ARL15: variants seen among roughly 807,000 people sequenced by gnomAD.
ARL15 encodes the protein ARF like GTPase 15.
ARL15 carries 19 observed loss-of-function variants against 25.2 expected under a neutral mutation model. The ratio of observed to expected loss-of-function variants is 0.75; its 90% confidence interval spans 0.53 to 1.10. ARL15 has a LOEUF of 1.10. Among genes scored for constraint, ARL15 ranks in the 50% least tolerant of loss-of-function variants. ARL15 has a pLI of 0.00. For synonymous variants in ARL15, 94 were observed against 86.8 expected (o/e 1.08, Z -0.46); for missense variants, 220 against 246.0 (o/e 0.89, Z 0.71).
In ARL15 at chr5:53,961,184, T is replaced by C. The variant is rs548699685; in HGVS notation, c.463-74471A>G. 5.9e-5 allele frequency among the ~76,000 whole-genome samples: 9 copies of C among 152,230 alleles called. No individual in the cohort carries two copies. The East Asian group carries it at 1.5e-3, about 26-fold the overall frequency. On this transcript the variant is annotated intron_variant, in intron 4 of 4. Coordinates refer to ENST00000504924, the MANE Select transcript of ARL15 (RefSeq NM_019087.3). ...GGAAAAACATTAATAAGTAGAGTCA[T>C]AGACTTTAGAAATAATTATATATAC...
At chr5:54,144,502 C>A (rs1459362900) in intron 3 of ARL15, among the ~76,000 whole-genome samples, 1 of 152,164 alleles carries the variant, frequency 6.6e-6, no homozygotes, top group Non-Finnish European at 1.5e-5. Context: ...GAGTCTTTTT[C>A]ATGAATACAT....
chr5:54,075,646 C>G (rs972371396), intron 4 of ARL15: 1 of 152,020 alleles, frequency 6.6e-6, no homozygotes, highest in African/African-American at 2.4e-5. Flanking sequence ...ACCACCACAC[C>G]TGGCTAATTT....
chr5:54,295,972 A>G (rs1259664324), intron 1 of ARL15, among the ~76,000 whole-genome samples: 1 of 152,230 alleles, frequency 6.6e-6, no homozygotes, highest in Non-Finnish European at 1.5e-5. Context: ...AGAATTCCAG[A>G]GTAGCACCTC....
intron 1 of ARL15, among the ~76,000 whole-genome samples, chr5:54,227,406 T>G (rs1756554641): frequency 6.6e-6 from 1 of 152,214 alleles, no homozygotes; most frequent in Non-Finnish European, 1.5e-5. Flanking sequence ...ATTACCTCTC[T>G]TAATCCTCAC....
chr5:53,897,770 TA>T (rs1218780938), intron 4 of ARL15, among the ~76,000 whole-genome samples: 1 of 152,194 alleles, frequency 6.6e-6, no homozygotes, highest in Non-Finnish European at 1.5e-5. Flanking sequence ...GATTATCATA[TA>T]TATAATTCTC....
chr5:54,117,146 G>T (rs948514775), intron 3 of ARL15, among the ~76,000 whole-genome samples: 6 of 152,048 alleles, frequency 3.9e-5, no homozygotes, highest in African/African-American at 1.2e-4. Flanking sequence ...TTACAATGAG[G>T]CCTGCAAATA....
At chr5:54,030,894 G>C (rs1277734613) in intron 4 of ARL15, among the ~76,000 whole-genome samples, 6 of 152,322 alleles carry the variant, frequency 3.9e-5, no homozygotes, top group Non-Finnish European at 7.3e-5. Flanking sequence ...AGAAAGTAAT[G>C]ATGGTTGAAA....
At chr5:54,074,678 T>C (rs1460258607) in intron 4 of ARL15, among the ~76,000 whole-genome samples, 1 of 152,164 alleles carries the variant, frequency 6.6e-6, no homozygotes, top group East Asian at 1.9e-4. Context: ...TTTCTATTAT[T>C]CAAGTCAGAG....
At chr5:54,101,751 T>G (rs1752445225) in intron 4 of ARL15, among the ~76,000 whole-genome samples, 1 of 152,132 alleles carries the variant, frequency 6.6e-6, no homozygotes, top group African/African-American at 2.4e-5. Context: ...TATTCTCATT[T>G]TTTCACTTAA....
At chr5:53,973,567 T>G (rs1258317013) in intron 4 of ARL15, among the ~76,000 whole-genome samples, 1 of 139,916 alleles carries the variant, frequency 7.1e-6, no homozygotes, top group African/African-American at 2.6e-5. Flanking sequence ...AGAGTGAAAC[T>G]TCATCTCAAA....
intron 4 of ARL15, among the ~76,000 whole-genome samples, chr5:54,041,922 C>T (rs1750355330): frequency 6.6e-6 from 1 of 150,858 alleles, no homozygotes; most frequent in South Asian, 2.1e-4. Context: ...ATCATTTATT[C>T]TAGTTGGGAA....
chr5:54,004,614 C>T (rs536294638), intron 4 of ARL15, among the ~76,000 whole-genome samples: 1 of 152,088 alleles, frequency 6.6e-6, no homozygotes, highest in African/African-American at 2.4e-5. Context: ...ACACTGTTAT[C>T]CACTTATGTA....
intron 3 of ARL15, among the ~76,000 whole-genome samples, chr5:54,129,599 C>CCACCCACTTTCCCAATAGT (rs1374970872): frequency 1.3e-5 from 2 of 152,172 alleles, no homozygotes; most frequent in African/African-American, 4.8e-5. Context: ...CATGCAATAG[C>CCACCCACTTTCCCAATAGT]CACCCACTTT....
chr5:54,278,604 TTTTG>T (rs748489904), intron 1 of ARL15, among the ~76,000 whole-genome samples: 43 of 152,182 alleles, frequency 2.8e-4, no homozygotes, highest in Admixed American at 2.6e-4. Flanking sequence ...TTAAAGATTG[TTTTG>T]TTTGTTTGTT....
At chr5:53,980,522 C>T (rs1748085363) in intron 4 of ARL15, among the ~76,000 whole-genome samples, 1 of 152,266 alleles carries the variant, frequency 6.6e-6, no homozygotes, top group East Asian at 1.9e-4. Flanking sequence ...TGTCAGAAGA[C>T]ACTAATCGTT....
chr5:54,287,300 T>A (rs1758208510), intron 1 of ARL15, among the ~76,000 whole-genome samples: 1 of 152,042 alleles, frequency 6.6e-6, no homozygotes, highest in African/African-American at 2.4e-5. Flanking sequence ...TAAACATACC[T>A]GTGCCAGACA....
intron 4 of ARL15, among the ~76,000 whole-genome samples, chr5:54,074,986 A>G (rs1438535889): frequency 6.7e-6 from 1 of 150,294 alleles, no homozygotes; most frequent in Non-Finnish European, 1.5e-5. Flanking sequence ...CACAAGACAC[A>G]AAAACTCTAG....
intron 4 of ARL15, among the ~76,000 whole-genome samples, chr5:54,084,139 G>C (rs984634589): frequency 6.6e-6 from 1 of 152,182 alleles, no homozygotes; most frequent in African/African-American, 2.4e-5. Context: ...GGGGTGAAGG[G>C]CAGGGGCACT....
At chr5:53,977,327 C>G (rs1322464397) in intron 4 of ARL15, among the ~76,000 whole-genome samples, 4 of 147,890 alleles carry the variant, frequency 2.7e-5, no homozygotes, top group African/African-American at 1.0e-4. Context: ...TGCACTCCAG[C>G]CTGAGCAACA....
Sources: gnomAD v4.1 joint callset for allele counts (sites outside exome capture counted in the v4.1 genomes callset) on GRCh38, gnomAD v4.1.1 for gene constraint, MANE v1.5 for transcripts, NCBI Gene and HGNC (gene_info 2026-07-23, HGNC 2026-07-21) for gene names.